The following CTNNA2 variants were observed in gnomAD, a reference collection of about 807,000 sequenced individuals.
CTNNA2 encodes the protein catenin alpha-2.
Under a neutral mutation model 101.0 loss-of-function variants are expected in CTNNA2, and 42 were observed. The observed-to-expected ratio is 0.42, with a 90% CI of 0.32 to 0.54. The LOEUF is 0.54. Among genes scored for constraint, CTNNA2 ranks in the 20% least tolerant of loss-of-function variants. The pLI is 0.14. For missense variants in CTNNA2, 871 were observed against 1,223.1 expected (o/e 0.71, Z 4.29); for synonymous variants, 450 against 456.4 (o/e 0.99, Z 0.18).
chr2:80,160,477 C>G (rs1704245874), intron 7 of CTNNA2, among the ~76,000 whole-genome samples: 2 of 152,112 alleles, frequency 1.3e-5, no homozygotes, highest in Non-Finnish European at 2.9e-5. Flanking sequence ...ATCATCATTG[C>G]ATAGTTTTCA....
chr2:80,183,438 A>G (rs1705915464), intron 7 of CTNNA2, among the ~76,000 whole-genome samples: 1 of 152,148 alleles, frequency 6.6e-6, no homozygotes, highest in Non-Finnish European at 1.5e-5. Flanking sequence ...GCAAACCAAA[A>G]CCACAAAAAT....
chr2:79,947,733 C>T (rs1201005586), intron 7 of CTNNA2, among the ~76,000 whole-genome samples: 1 of 152,162 alleles, frequency 6.6e-6, no homozygotes, highest in Admixed American at 6.5e-5. Flanking sequence ...GATACACCCT[C>T]TGTTCCCTGA....
intron 12 of CTNNA2, 136 bp from the exon 13 acceptor site, chr2:80,574,027 T>C (rs1299632474): frequency 1.3e-5 from 11 of 839,558 alleles, no homozygotes; most frequent in Non-Finnish European, 2.1e-5. Flanking sequence ...TTGGGCTCAC[T>C]TCAAACTGGA....
At chr2:79,713,085 A>C (rs1379649873) in intron 2 of CTNNA2, among the ~76,000 whole-genome samples, 1 of 152,184 alleles carries the variant, frequency 6.6e-6, no homozygotes, top group Non-Finnish European at 1.5e-5. Flanking sequence ...GAAATAAATA[A>C]ATTTAGTTAA....
At chr2:80,450,346 T>G (rs546626013) in intron 9 of CTNNA2, among the ~76,000 whole-genome samples, 1 of 152,276 alleles carries the variant, frequency 6.6e-6, no homozygotes, top group African/African-American at 2.4e-5. Context: ...TATTACATCT[T>G]GAACAACTAG....
intron 3 of CTNNA2, among the ~76,000 whole-genome samples, chr2:79,852,037 C>T (rs1286707002): frequency 3.9e-5 from 6 of 152,090 alleles, no homozygotes; most frequent in Non-Finnish European, 8.8e-5. Flanking sequence ...AACACCCGGC[C>T]TTCTCTCATC....
chr2:79,913,367 C>T (rs1685948045), intron 7 of CTNNA2, among the ~76,000 whole-genome samples: 1 of 152,156 alleles, frequency 6.6e-6, no homozygotes, highest in Non-Finnish European at 1.5e-5. Flanking sequence ...TTTGAAGCAC[C>T]ATGGGAGTCA....
At chr2:79,756,976 A>G (rs2105062613) in intron 3 of CTNNA2, among the ~76,000 whole-genome samples, 1 of 152,360 alleles carries the variant, frequency 6.6e-6, no homozygotes, top group South Asian at 2.1e-4. Context: ...GCAATATGAT[A>G]TAGCCACTTT....
intron 7 of CTNNA2, among the ~76,000 whole-genome samples, chr2:80,294,407 A>G (rs1396373419): frequency 1.3e-5 from 2 of 151,516 alleles, no homozygotes; most frequent in South Asian, 4.2e-4. Flanking sequence ...TGGGAAGGTG[A>G]CTCCCTTCTC....
intron 15 of CTNNA2, chr2:80,601,658 T>A (rs1343902588): frequency 1.3e-5 from 2 of 151,864 alleles, no homozygotes; most frequent in African/African-American, 2.4e-5. Flanking sequence ...TGGATATTTT[T>A]CTCCTATTAT....
intron 7 of CTNNA2, among the ~76,000 whole-genome samples, chr2:80,027,416 C>T (rs1049776025): frequency 2.0e-5 from 3 of 152,160 alleles, no homozygotes; most frequent in Non-Finnish European, 4.4e-5. Flanking sequence ...TTAGACAGGT[C>T]TACGAAAATG....
intron 17 of CTNNA2, among the ~76,000 whole-genome samples, chr2:80,612,383 C>G (rs142701095): frequency 6.6e-6 from 1 of 151,694 alleles, no homozygotes; most frequent in South Asian, 2.1e-4. Flanking sequence ...CAAATCAACT[C>G]TACCTGACAC....
intron 3 of CTNNA2, among the ~76,000 whole-genome samples, chr2:79,834,706 A>T (rs1679183571): frequency 6.6e-6 from 1 of 151,922 alleles, no homozygotes; most frequent in African/African-American, 2.4e-5. Context: ...TGTTGTATAA[A>T]TTTTTCTTAA....
At chr2:79,590,157 C>T (rs1676754226) in intron 1 of CTNNA2, among the ~76,000 whole-genome samples, 1 of 152,162 alleles carries the variant, frequency 6.6e-6, no homozygotes, top group African/African-American at 2.4e-5. Context: ...TTTGTCATGC[C>T]TGCTGTGACT....
At chr2:80,032,596 C>G (rs1356435189) in intron 7 of CTNNA2, among the ~76,000 whole-genome samples, 3 of 152,004 alleles carry the variant, frequency 2.0e-5, no homozygotes, top group Non-Finnish European at 4.4e-5. Context: ...AAGCTTGGCC[C>G]CAAAGTTAAT....
chr2:80,381,795 C>T (rs1295403924), intron 7 of CTNNA2, among the ~76,000 whole-genome samples: 1 of 152,154 alleles, frequency 6.6e-6, no homozygotes, highest in African/African-American at 2.4e-5. Context: ...ATCCTGCCTC[C>T]TTGTTCCATT....
At chr2:79,503,821 A>G (rs13418721) in intron 4 of CTNNA2, among the ~76,000 whole-genome samples, 3,458 of 152,272 alleles carry the variant, frequency 0.023, 158 homozygotes, top group East Asian at 0.19. Flanking sequence ...AAGTTGATCC[A>G]CTACCCGGCC....
intron 9 of CTNNA2, among the ~76,000 whole-genome samples, chr2:80,424,148 G>T (rs1680779065): frequency 6.6e-6 from 1 of 152,118 alleles, no homozygotes; most frequent in South Asian, 2.1e-4. Flanking sequence ...TAGAGACGGG[G>T]TTTCACTATG....
intron 2 of CTNNA2, among the ~76,000 whole-genome samples, chr2:79,686,505 C>T (rs1279203713): frequency 2.6e-5 from 4 of 152,184 alleles, no homozygotes; most frequent in East Asian, 1.9e-4. Flanking sequence ...TACTCTATTT[C>T]GTACTCATTG....
Sources: gnomAD v4.1 joint callset for allele counts (sites outside exome capture counted in the v4.1 genomes callset) on GRCh38, gnomAD v4.1.1 for gene constraint, MANE v1.5 for transcripts, NCBI Gene and HGNC (gene_info 2026-07-23, HGNC 2026-07-21) for gene names.